SLC6A17: variants seen among roughly 807,000 people sequenced by gnomAD.
SLC6A17 encodes solute carrier family 6 member 17.
Under a neutral mutation model 64.5 loss-of-function variants are expected in SLC6A17, and 21 were observed. The observed-to-expected ratio is 0.33, with a 90% CI of 0.23 to 0.47. SLC6A17 has a LOEUF of 0.47. SLC6A17 is among the 20% of genes least tolerant of loss of function. The probability of loss-of-function intolerance (pLI) is 1.00; values close to 1 mark genes in which losing one functional copy is unlikely to be tolerated. For missense variants in SLC6A17, 682 were observed against 963.2 expected (o/e 0.71, Z 3.86); for synonymous variants, 372 against 399.5 (o/e 0.93, Z 0.82).
Position 110,172,136 on chromosome 1 carries a change from T to A in SLC6A17, c.363T>A (p.Gly121=). ...TCTTCTTCCTGGAGCTGGCTGTGGG[T>A]CAGAGGATCCGCCGCGGCAGCATCG... is the stretch of plus-strand genomic sequence containing the variant. ...IPLFFLELAV[G]QRIRRGSIGV... is the part of the protein sequence containing the mutation. Residue 121 remains glycine (G), a synonymous_variant, in exon 3 of 12, where the codon GGT becomes GGA. Coordinates refer to ENST00000331565, the MANE Select transcript of SLC6A17 (RefSeq NM_001010898.4). The A allele has an allele frequency of 6.2e-7, 1 of 1,613,980 alleles. No homozygotes were observed. Among genetic ancestry groups the A allele is most frequent in the South Asian group, 1.1e-5 (1 of 91,040 alleles).
intron 2 of SLC6A17, among the ~76,000 whole-genome samples, chr1:110,169,246 C>CT (rs1656152826): frequency 6.6e-6 from 1 of 152,142 alleles, no homozygotes; most frequent in African/African-American, 2.4e-5. Context: ...TCCTAGTTTG[C>CT]TTTTTCTTCT....
rs553303374 is a variant in SLC6A17 at position 110,161,297 on chromosome 1, G to C, written c.-87-5546G>C. ...CTGCCTGTCATGAAGAAATCAGGAA[G>C]CTGCCAAGCATCCTCTGACTTGGTT... On this transcript the variant is annotated intron_variant, in intron 1 of 11. Transcript: ENST00000331565. Among the ~76,000 whole-genome samples, 7 of 152,316 alleles carry C rather than the reference G, an allele frequency of 4.6e-5. No individual in the cohort carries two copies. In the South Asian group the frequency reaches 1.5e-3, roughly 32 times the overall value.
chr1:110,191,833 G>A, intron 6 of SLC6A17, 139 bp from the exon 7 acceptor site: 1 of 1,385,490 alleles, frequency 7.2e-7, no homozygotes, highest in Non-Finnish European at 9.7e-7. Flanking sequence ...TAGGGAAATT[G>A]CCCAAGTTCA....
At chr1:110,158,081 T>C (rs138199978) in intron 1 of SLC6A17, among the ~76,000 whole-genome samples, 411 of 152,326 alleles carry the variant, frequency 2.7e-3, no homozygotes, top group African/African-American at 9.5e-3. Flanking sequence ...TATATATTTG[T>C]CTGATTTCTA....
chr1:110,170,861 G>GTGTGTGTT (rs1054183515), intron 2 of SLC6A17, among the ~76,000 whole-genome samples: 5 of 152,196 alleles, frequency 3.3e-5, no homozygotes, highest in African/African-American at 1.2e-4. Flanking sequence ...GTGTGTGTGT[G>GTGTGTGTT]TGTGTGTATA....
At chr1:110,187,755 A>G (rs1488900903) in intron 6 of SLC6A17, among the ~76,000 whole-genome samples, 1 of 152,254 alleles carries the variant, frequency 6.6e-6, no homozygotes, top group Non-Finnish European at 1.5e-5. Context: ...GCCAGCCAGC[A>G]TGCCTTCCAG....
chr1:110,194,512 G>A, intron 8 of SLC6A17, 67 bp from the exon 9 acceptor site: 1 of 1,527,994 alleles, frequency 6.5e-7, no homozygotes, highest in Middle Eastern at 2.0e-4. Context: ...AAGGGCAGAG[G>A]GAAGGAAGCA....
rs143905640 is a variant in SLC6A17 at position 110,172,896 on chromosome 1, A to C, written c.444+679A>C. Among the ~76,000 whole-genome samples, 667 of 152,372 alleles carry C rather than the reference A, an allele frequency of 4.4e-3. 8 individuals carry two copies. Among genetic ancestry groups the C allele is most frequent in the African/African-American group, 0.015 (620 of 41,584 alleles). ...CCCTTAAGGGCAAAGCCTACAGGGA[A>C]CCATGCTCACTGCTCACACCTGGGA... On this transcript the variant is annotated intron_variant, in intron 3 of 11. Coordinates refer to ENST00000331565, the MANE Select transcript of SLC6A17 (RefSeq NM_001010898.4).
In SLC6A17 at chr1:110,198,569, G is replaced by A; in HGVS notation, c.*125G>A. The A allele has an allele frequency of 6.8e-7, 1 of 1,464,578 alleles. No homozygotes were observed. The highest frequency in any genetic ancestry group is 2.3e-5 in the East Asian group (1 of 43,770). The allele number at this position is 1,464,578 out of a possible 1,614,324, so 90.7% of individuals were successfully genotyped here. A position where few individuals can be genotyped will look rare whatever the true frequency, so the allele number is the denominator to read the frequency against. ...CCCTTTGCCCAAGAAGAGAGGGTCT[G>A]CCCTGCCTCACTCCCCTCTTCAGTC... On this transcript the variant is annotated 3_prime_UTR_variant, in exon 12 of 12. Coordinates refer to ENST00000331565, the MANE Select transcript of SLC6A17 (RefSeq NM_001010898.4).
rs1265072764 is a variant in SLC6A17 at position 110,173,035 on chromosome 1, G to A, written c.444+818G>A. Reference sequence around the variant, plus strand: ...GGGAGAGGGCCTATTGCAGCCCCCTGCTCTCACGTCAGCCATCAGCTTTGC... The same window carrying A: ...GGGAGAGGGCCTATTGCAGCCCCCTACTCTCACGTCAGCCATCAGCTTTGC... On this transcript the variant is annotated intron_variant, in intron 3 of 11. Transcript: ENST00000331565. Among the ~76,000 whole-genome samples, 5 of 152,250 alleles carry A rather than the reference G, an allele frequency of 3.3e-5. No individual in the cohort carries two copies. The East Asian group carries it at 9.6e-4, about 29-fold the overall frequency.
chr1:110,173,883 C>T (rs888856875), intron 3 of SLC6A17, 90 bp from the exon 4 acceptor site: 12 of 1,534,454 alleles, frequency 7.8e-6, no homozygotes, highest in Middle Eastern at 1.9e-4. Context: ...GTGTTTATGG[C>T]GCTGCCGACG....
At chr1:110,175,704 G>A (rs1056582787) in intron 5 of SLC6A17, among the ~76,000 whole-genome samples, 6 of 152,122 alleles carry the variant, frequency 3.9e-5, no homozygotes, top group African/African-American at 1.4e-4. Context: ...TTGAGGCTTC[G>A]GGTTCTTTTC....
At chr1:110,159,052 T>C (rs550478660) in intron 1 of SLC6A17, among the ~76,000 whole-genome samples, 1 of 152,258 alleles carries the variant, frequency 6.6e-6, no homozygotes, top group East Asian at 1.9e-4. Context: ...AAAATGGGAG[T>C]AACAGTGGTA....
intron 2 of SLC6A17, among the ~76,000 whole-genome samples, chr1:110,167,619 G>C (rs1656103570): frequency 6.6e-6 from 1 of 152,134 alleles, no homozygotes; most frequent in Non-Finnish European, 1.5e-5. Context: ...AGCACCTGTT[G>C]GCCATTATTA....
intron 2 of SLC6A17, among the ~76,000 whole-genome samples, chr1:110,169,418 C>A (rs948465962): frequency 2.6e-5 from 4 of 152,082 alleles, no homozygotes; most frequent in African/African-American, 9.7e-5. Flanking sequence ...CAATTTTATA[C>A]GTAACATTTT....
chr1:110,180,815 G>C (rs1373788583), intron 6 of SLC6A17, among the ~76,000 whole-genome samples: 19 of 152,132 alleles, frequency 1.2e-4, no homozygotes, highest in Admixed American at 1.2e-3. Flanking sequence ...CATGCTGTTT[G>C]GTACCTCTGG....
intron 6 of SLC6A17, among the ~76,000 whole-genome samples, chr1:110,185,015 G>C (rs922483459): frequency 5.9e-5 from 9 of 152,132 alleles, no homozygotes; most frequent in African/African-American, 2.2e-4. Context: ...TGGAGGTTAG[G>C]GGTGGAGCTT....
rs1364577288 is a variant in SLC6A17 at position 110,201,391 on chromosome 1, G to C, written c.*2947G>C. 5 of 152,276 alleles carry C rather than the reference G, an allele frequency of 3.3e-5. No homozygotes were observed. In the East Asian group the frequency reaches 7.7e-4, roughly 23 times the overall value. 9.4% of individuals were successfully genotyped at this position (152,276 alleles called of 1,614,324 possible). On this transcript the variant is annotated 3_prime_UTR_variant, in exon 12 of 12. Coordinates refer to ENST00000331565, the MANE Select transcript of SLC6A17 (RefSeq NM_001010898.4). ...AGGGTCCCCACCCCCACTGGCTTTG[G>C]TGCTGTCCACACAGTGCCCACCAGA...
At chr1:110,194,425 C>T (rs960228560) in intron 8 of SLC6A17, among the ~76,000 whole-genome samples, 154 bp from the exon 9 acceptor site, 1 of 152,198 alleles carries the variant, frequency 6.6e-6, no homozygotes, top group African/African-American at 2.4e-5. Context: ...AGTTCGAGAC[C>T]CACTGGCCAA....
Sources: gnomAD v4.1 joint callset for allele counts (sites outside exome capture counted in the v4.1 genomes callset) on GRCh38, gnomAD v4.1.1 for gene constraint, MANE v1.5 for transcripts, NCBI Gene and HGNC (gene_info 2026-07-23, HGNC 2026-07-21) for gene names.